The following IQCK variants were observed in gnomAD, a reference collection of about 807,000 sequenced individuals.
The protein encoded by IQCK is IQ motif containing K.
Under a neutral mutation model 28.1 loss-of-function variants are expected in IQCK, and 29 were observed. The observed-to-expected ratio is 1.03, with a 90% CI of 0.77 to 1.41. The LOEUF (loss-of-function observed/expected upper bound fraction) is 1.41, where lower values mean the gene tolerates loss of function less well. Among genes scored for constraint, IQCK ranks in the 40% most tolerant of loss-of-function variants. The probability of loss-of-function intolerance (pLI) is 0.00; values close to 1 mark genes in which losing one functional copy is unlikely to be tolerated. For synonymous variants in IQCK, 113 were observed against 115.1 expected (o/e 0.98, Z 0.12); for missense variants, 359 against 314.7 (o/e 1.14, Z -1.07).
chr16:19,840,235 A>T (rs532448083), intron 9 of IQCK, among the ~76,000 whole-genome samples: 1 of 152,206 alleles, frequency 6.6e-6, no homozygotes, highest in African/African-American at 2.4e-5. Flanking sequence ...AGGCACCTGT[A>T]ATCTCAGCTA....
chr16:19,747,222 G>A (rs1485785035), intron 4 of IQCK, among the ~76,000 whole-genome samples: 1 of 152,184 alleles, frequency 6.6e-6, no homozygotes, highest in African/African-American at 2.4e-5. Flanking sequence ...TCATTCATGT[G>A]TCTTTGGCAG....
intron 9 of IQCK, among the ~76,000 whole-genome samples, chr16:19,832,602 G>A (rs899133931): frequency 1.3e-5 from 2 of 152,140 alleles, no homozygotes; most frequent in Non-Finnish European, 2.9e-5. Context: ...GGCCTAGGCT[G>A]ACAAATACAA....
At chr16:19,813,092 G>C (rs978700615) in intron 7 of IQCK, among the ~76,000 whole-genome samples, 22 of 152,364 alleles carry the variant, frequency 1.4e-4, no homozygotes, top group Admixed American at 4.6e-4. Context: ...TTTTAGGTAT[G>C]AGTTAAACAG....
intron 6 of IQCK, among the ~76,000 whole-genome samples, chr16:19,783,994 C>T (rs1189427487): frequency 2.0e-5 from 3 of 147,010 alleles, no homozygotes; most frequent in Non-Finnish European, 3.0e-5. Flanking sequence ...GATTTCATGA[C>T]ATCGGTTGTG....
Position 19,807,659 on chromosome 16 carries a change from T to C in IQCK, c.690+18737T>C, listed in dbSNP as rs62025046. ...AGAAGCAGCCCTATGGGTGACAGCCTAGTAGGGTGCCATGATCTGGGTTTT... is the reference window on the plus strand; with the variant it reads ...AGAAGCAGCCCTATGGGTGACAGCCCAGTAGGGTGCCATGATCTGGGTTTT... On this transcript the variant is annotated intron_variant, in intron 7 of 7. Transcript: ENST00000564186. Among the ~76,000 whole-genome samples, 853 of 152,280 alleles carry C rather than the reference T, an allele frequency of 5.6e-3. 3 individuals are homozygous for C. The highest frequency in any genetic ancestry group is 8.3e-3 in the Non-Finnish European group (564 of 68,014).
intron 7 of IQCK, among the ~76,000 whole-genome samples, chr16:19,824,886 A>G (rs888059361): frequency 1.3e-5 from 2 of 152,170 alleles, no homozygotes; most frequent in Non-Finnish European, 2.9e-5. Context: ...TATCTCTCCC[A>G]GGAACACAAT....
intron 7 of IQCK, chr16:19,789,340 C>G (rs545886813): frequency 2.6e-5 from 1 of 39,048 alleles, no homozygotes; most frequent in Non-Finnish European, 4.0e-5. Context: ...GAGCCCAGGA[C>G]GCAGAGGTTG....
intron 6 of IQCK, among the ~76,000 whole-genome samples, chr16:19,786,262 CAG>C (rs1046523930): frequency 5.9e-5 from 9 of 152,100 alleles, no homozygotes; most frequent in Non-Finnish European, 1.5e-5. Context: ...ATGTGGAAAA[CAG>C]GGAGCCCGGG....
intron 4 of IQCK, among the ~76,000 whole-genome samples, chr16:19,749,638 C>T (rs893008753): frequency 2.0e-5 from 3 of 152,098 alleles, no homozygotes; most frequent in African/African-American, 4.8e-5. Flanking sequence ...CCATGGTGTG[C>T]GCCTGTAGTC....
intron 6 of IQCK, among the ~76,000 whole-genome samples, chr16:19,777,751 GTTTAAGAACCAGTTCAGGGCC>G (rs1349977323): frequency 6.6e-6 from 1 of 152,038 alleles, no homozygotes; most frequent in East Asian, 1.9e-4. Context: ...CTCCATGGCT[GTTTAAGAACCAGTTCAGGGCC>G]GGGCACGGTG....
intron 6 of IQCK, among the ~76,000 whole-genome samples, chr16:19,777,947 G>A (rs928035979): frequency 2.6e-5 from 4 of 152,138 alleles, no homozygotes; most frequent in Admixed American, 6.5e-5. Flanking sequence ...CAGTTACTCC[G>A]GAGGCTGAGG....
At chr16:19,838,875 C>G (rs978208181) in intron 9 of IQCK, among the ~76,000 whole-genome samples, 10 of 151,590 alleles carry the variant, frequency 6.6e-5, no homozygotes, top group African/African-American at 2.4e-4. Flanking sequence ...AATAATTAGC[C>G]AGGCATGATG....
At chr16:19,844,081 CTT>C (rs760051580) in intron 9 of IQCK, among the ~76,000 whole-genome samples, 51 of 136,168 alleles carry the variant, frequency 3.7e-4, no homozygotes, top group Non-Finnish European at 4.2e-4. Context: ...CATATGCTTG[CTT>C]TTTTTTTTTT....
intron 9 of IQCK, among the ~76,000 whole-genome samples, chr16:19,850,390 G>A (rs201244878): frequency 6.6e-6 from 1 of 152,132 alleles, no homozygotes; most frequent in Non-Finnish European, 1.5e-5. Context: ...CTATGACTTC[G>A]TATGTGTCAA....
chr16:19,774,471 G>A (rs529347715), intron 6 of IQCK, among the ~76,000 whole-genome samples: 3 of 136,442 alleles, frequency 2.2e-5, no homozygotes, highest in South Asian at 2.4e-4. Context: ...GCAGCGATGC[G>A]ATCTTGGCTC....
intron 6 of IQCK, among the ~76,000 whole-genome samples, chr16:19,773,800 CA>C (rs533561708): frequency 7.9e-5 from 12 of 152,244 alleles, no homozygotes; most frequent in Admixed American, 7.8e-4. Context: ...GCAAAAAAAC[CA>C]ACATAATTAG....
chr16:19,836,764 G>A (rs1342158353), intron 9 of IQCK, among the ~76,000 whole-genome samples: 1 of 152,124 alleles, frequency 6.6e-6, no homozygotes, highest in Non-Finnish European at 1.5e-5. Flanking sequence ...CGCCCGCCCT[G>A]GCCTCCCAAA....
intron 1 of IQCK, among the ~76,000 whole-genome samples, chr16:19,719,593 A>C (rs1229650944): frequency 1.6e-4 from 24 of 151,724 alleles, no homozygotes; most frequent in African/African-American, 4.3e-4. Flanking sequence ...CCATCCCCAA[A>C]AAAAAAAAAG....
chr16:19,755,649 C>T (rs1567544226), intron 4 of IQCK, among the ~76,000 whole-genome samples: 1 of 152,214 alleles, frequency 6.6e-6, no homozygotes, highest in Non-Finnish European at 1.5e-5. Flanking sequence ...CACCTGTGCC[C>T]TGAACAGCCA....
Sources: allele counts gnomAD v4.1 joint callset (sites outside exome capture counted in the v4.1 genomes callset), GRCh38; gene constraint gnomAD v4.1.1; transcripts MANE v1.5; gene names NCBI Gene and HGNC (gene_info 2026-07-23, HGNC 2026-07-21).